PPFIBP1: variants seen among roughly 807,000 people sequenced by gnomAD.
The protein encoded by PPFIBP1 is PPFIB scaffold protein 1, also known as liprin-beta-1.
Under a neutral mutation model 137.8 loss-of-function variants are expected in PPFIBP1, and 112 were observed. That is an observed-to-expected ratio of 0.81 (90% CI 0.70 to 0.95). The LOEUF (loss-of-function observed/expected upper bound fraction) is 0.95, where lower values mean the gene tolerates loss of function less well. Ranked by LOEUF, PPFIBP1 falls within the 40% of genes least tolerant of loss-of-function variation. The probability of loss-of-function intolerance (pLI) is 0.00; values close to 1 mark genes in which losing one functional copy is unlikely to be tolerated. For synonymous variants in PPFIBP1, 378 were observed against 417.3 expected, an observed-to-expected ratio of 0.91 and a Z score of 1.15; for missense variants, 1,083 against 1,196.6, an observed-to-expected ratio of 0.91 and a Z score of 1.40.
chr12:27,673,479 C>G (rs1441534384), intron 15 of PPFIBP1, among the ~76,000 whole-genome samples: 1 of 152,168 alleles, frequency 6.6e-6, no homozygotes, highest in Non-Finnish European at 1.5e-5. Context: ...GAAAACACTG[C>G]TTTATTTTCG....
chr12:27,592,696 A>G (rs772358453), intron 2 of PPFIBP1: 230 of 1,331,122 alleles, frequency 1.7e-4, no homozygotes, highest in Non-Finnish European at 2.4e-4. Context: ...CTCTGACAGG[A>G]TTGAGATCTC....
chr12:27,682,567 G>C, intron 23 of PPFIBP1, 48 bp from the exon 24 acceptor site: 1 of 1,609,522 alleles, frequency 6.2e-7, no homozygotes, highest in South Asian at 1.1e-5. Context: ...TTAATCACAA[G>C]AACAGATGTT....
rs1380539926 is a variant in PPFIBP1, at chr12:27,679,545, C to T, written c.1672C>T (p.Pro558Ser). Residue 558 changes from proline to serine, a missense_variant, in exon 20 of 30, where the codon CCA becomes TCA. Transcript: ENST00000228425. Reference sequence around the variant, plus strand: ...AGATCTGGCTGGTGCTTCTTCTCGGCCAAAAGATTCACAGAGGAACAGTCC... The same window carrying T: ...AGATCTGGCTGGTGCTTCTTCTCGGTCAAAAGATTCACAGAGGAACAGTCC... Reference protein sequence around the residue: ...HLDLAGASSRPKDSQRNSPFQ... With the variant: ...HLDLAGASSRSKDSQRNSPFQ... The T allele has an allele frequency of 6.2e-7, 1 of 1,613,882 alleles. No individual in the cohort carries two copies. The highest frequency in any genetic ancestry group is 8.5e-7 in the Non-Finnish European group (1 of 1,179,878).
At chr12:27,551,484 C>T (rs986314004) in intron 1 of PPFIBP1, among the ~76,000 whole-genome samples, 2 of 152,094 alleles carry the variant, frequency 1.3e-5, no homozygotes, top group African/African-American at 2.4e-5. Context: ...TTAAAAGGAA[C>T]ATTGTAAATT....
chr12:27,546,652 T>G (rs1946267257), intron 1 of PPFIBP1, among the ~76,000 whole-genome samples: 1 of 152,226 alleles, frequency 6.6e-6, no homozygotes, highest in Non-Finnish European at 1.5e-5. Context: ...TTCTTGGGAA[T>G]GCAGTAAATT....
At chr12:27,573,933 G>A (rs1327142808) in intron 1 of PPFIBP1, among the ~76,000 whole-genome samples, 1 of 150,716 alleles carries the variant, frequency 6.6e-6, no homozygotes, top group East Asian at 1.9e-4. Flanking sequence ...AGTGAGTTGT[G>A]ATTGTACCAC....
intron 4 of PPFIBP1, among the ~76,000 whole-genome samples, chr12:27,638,994 G>C (rs900199563): frequency 6.6e-6 from 1 of 152,234 alleles, no homozygotes; most frequent in African/African-American, 2.4e-5. Context: ...CTGGGCCAGG[G>C]AGATCCCCTG....
At chr12:27,646,015 T>A in intron 4 of PPFIBP1, 47 bp from the exon 5 acceptor site, 1 of 1,351,794 alleles carries the variant, frequency 7.4e-7, no homozygotes. Context: ...CTACGATATA[T>A]CATTCTTAGA....
At chr12:27,547,437 G>A (rs1946339071) in intron 1 of PPFIBP1, 1 of 152,134 alleles carries the variant, frequency 6.6e-6, no homozygotes, top group East Asian at 1.9e-4. Context: ...GCCTTTGTAG[G>A]GCCTCTGAAG....
At chr12:27,552,033 G>A (rs1188114276) in intron 1 of PPFIBP1, among the ~76,000 whole-genome samples, 1 of 152,170 alleles carries the variant, frequency 6.6e-6, no homozygotes, top group Non-Finnish European at 1.5e-5. Flanking sequence ...AAACAAGGGG[G>A]ATGGGTTAGA....
intron 1 of PPFIBP1, among the ~76,000 whole-genome samples, chr12:27,534,919 A>AG (rs2135880754): frequency 6.6e-6 from 1 of 152,334 alleles, no homozygotes; most frequent in East Asian, 1.9e-4. Flanking sequence ...TAATGACATT[A>AG]GGGGTATGTG....
chr12:27,631,650 A>G lies in PPFIBP1; in HGVS notation c.-35-1712A>G, dbSNP rs182439624. On this transcript the variant is annotated intron_variant, in intron 2 of 29. Coordinates refer to ENST00000228425, the MANE Select transcript of PPFIBP1 (RefSeq NM_003622.4). ...GAACTAGTTCTTCACTACTTTGAAA[A>G]GCATGGTCTAGATTGTCTCATACCT... Among the ~76,000 whole-genome samples, 159 of 152,314 alleles carry G rather than the reference A, an allele frequency of 1.0e-3. 2 individuals carry two copies. Among genetic ancestry groups the G allele is most frequent in the Admixed American group, 9.4e-3 (144 of 15,290 alleles).
intron 4 of PPFIBP1, among the ~76,000 whole-genome samples, chr12:27,643,318 G>A (rs149957508): frequency 0.29 from 35,074 of 119,148 alleles, 5,526 homozygotes; most frequent in Middle Eastern, 0.37. Context: ...TTTAGTTATC[G>A]CCCACTGTAT....
chr12:27,655,064 A>T, intron 8 of PPFIBP1: 1 of 1,161,922 alleles, frequency 8.6e-7, no homozygotes, highest in South Asian at 1.4e-5. Flanking sequence ...CTCCTTTATA[A>T]ACTGATACTG....
intron 7 of PPFIBP1, among the ~76,000 whole-genome samples, chr12:27,650,493 G>A (rs957638242): frequency 3.3e-5 from 5 of 152,138 alleles, no homozygotes; most frequent in African/African-American, 1.2e-4. Context: ...GGTTTCACTA[G>A]TAGTTATTAT....
chr12:27,629,887 G>A (rs2057140231), intron 2 of PPFIBP1, among the ~76,000 whole-genome samples: 1 of 152,130 alleles, frequency 6.6e-6, no homozygotes, highest in Admixed American at 6.5e-5. Context: ...TTCAGGTTGT[G>A]TGTTTCTTAC....
chr12:27,681,675 T>C lies in PPFIBP1; in HGVS notation c.2025T>C (p.Ala675=). 6.2e-7 allele frequency: 1 copy of C among 1,614,158 alleles called. No homozygotes were observed. The highest frequency in any genetic ancestry group is 8.5e-7 in the Non-Finnish European group (1 of 1,179,994). ...CATCTGGCCAAACGCTTTTGCAGGC[T>C]TCTCAACAAGATCTAGAGAAGGTGA... ...WIASGQTLLQ[A]SQQDLEKELG... The change falls in exon 22 of 30, where the codon GCT becomes GCC. Residue 675 remains alanine, a synonymous_variant. Transcript: ENST00000228425.
chr12:27,650,775 T>A (rs553464981), intron 7 of PPFIBP1, among the ~76,000 whole-genome samples: 58 of 152,340 alleles, frequency 3.8e-4, no homozygotes, highest in African/African-American at 1.4e-3. Context: ...AATTCAGGCC[T>A]CCTAGTTTGT....
intron 13 of PPFIBP1, among the ~76,000 whole-genome samples, chr12:27,669,554 T>A (rs1216221804): frequency 6.6e-6 from 1 of 152,080 alleles, no homozygotes; most frequent in Non-Finnish European, 1.5e-5. Flanking sequence ...GAGTTTGGAG[T>A]TAAAGTCTTA....
Sources: gnomAD v4.1 joint callset for allele counts (sites outside exome capture counted in the v4.1 genomes callset) on GRCh38, gnomAD v4.1.1 for gene constraint, MANE v1.5 for transcripts, NCBI Gene and HGNC (gene_info 2026-07-23, HGNC 2026-07-21) for gene names.